GALK2: variants seen among roughly 807,000 people sequenced by gnomAD.
GALK2 encodes the protein N-acetylgalactosamine kinase.
Under a neutral mutation model 52.4 loss-of-function variants are expected in GALK2, and 36 were observed. The ratio of observed to expected loss-of-function variants is 0.69; its 90% CI spans 0.53 to 0.91. The LOEUF is 0.91. Among genes scored for constraint, GALK2 ranks in the 40% least tolerant of loss-of-function variants. The pLI is 0.00. For missense variants in GALK2, 579 were observed against 559.1 expected (o/e 1.04, Z -0.36); for synonymous variants, 176 against 199.1 (o/e 0.88, Z 0.98).
At chr15:49,351,031 C>T (rs2042168651) in intron 3 of GALK2, among the ~76,000 whole-genome samples, 1 of 152,210 alleles carries the variant, frequency 6.6e-6, no homozygotes, top group Non-Finnish European at 1.5e-5. Context: ...CAGTGCATAA[C>T]CTACTCAACC....
chr15:49,341,483 G>T (rs2040721835), intron 3 of GALK2, among the ~76,000 whole-genome samples: 1 of 152,092 alleles, frequency 6.6e-6, no homozygotes, highest in African/African-American at 2.4e-5. Context: ...TGGGTTAGAT[G>T]TACCTGTGAT....
chr15:49,206,765 C>G (rs534995790), intron 2 of GALK2, among the ~76,000 whole-genome samples: 2 of 151,970 alleles, frequency 1.3e-5, no homozygotes, highest in African/African-American at 4.8e-5. Flanking sequence ...TCAAGGTAAA[C>G]GATCGTATCA....
chr15:49,182,641 TA>T (rs2141227367), intron 1 of GALK2, among the ~76,000 whole-genome samples: 1 of 152,326 alleles, frequency 6.6e-6, no homozygotes, highest in Non-Finnish European at 1.5e-5. Context: ...TCCACATCCT[TA>T]CCAGCATTTG....
chr15:49,210,957 T>TCACACACACACACACA (rs764698505), intron 2 of GALK2, among the ~76,000 whole-genome samples: 21 of 112,766 alleles, frequency 1.9e-4, no homozygotes, highest in Non-Finnish European at 2.7e-4. Context: ...ATGTTGGCTG[T>TCACACACACACACACA]CACACACACA....
Position 49,265,841 on chromosome 15 carries a change from A to T in GALK2, c.505-16146A>T, listed in dbSNP as rs532839509. ...ATTCCAAAAGCGCTTGTGAGTTTTT[A>T]AGATTCTTGCTAGCAAGGAAAAATA... On this transcript the variant is annotated intron_variant, in intron 5 of 9. Coordinates refer to ENST00000560031, the MANE Select transcript of GALK2 (RefSeq NM_002044.4). 2.5e-3 allele frequency among the ~76,000 whole-genome samples: 374 copies of T among 152,360 alleles called. 4 individuals are homozygous for T. Among genetic ancestry groups the T allele is most frequent in the African/African-American group, 8.5e-3 (353 of 41,592 alleles).
At chr15:49,334,972 C>T (rs2039449914), downstream of GALK2, among the ~76,000 whole-genome samples, 1 of 152,200 alleles carries the variant, frequency 6.6e-6, no homozygotes, top group Non-Finnish European at 1.5e-5. Context: ...TTATGAATAA[C>T]TGCAAATGTT....
At chr15:49,314,996 CA>C (rs1245693624) in intron 8 of GALK2, among the ~76,000 whole-genome samples, 2 of 152,192 alleles carry the variant, frequency 1.3e-5, no homozygotes, top group East Asian at 3.9e-4. Flanking sequence ...GGAATTTAGC[CA>C]ATATAATTTA....
intron 5 of GALK2, among the ~76,000 whole-genome samples, chr15:49,247,076 C>A (rs1051746809): frequency 2.0e-5 from 3 of 151,978 alleles, no homozygotes; most frequent in African/African-American, 7.3e-5. Flanking sequence ...AAGTTCTCTC[C>A]GAGAAGAGGA....
chr15:49,284,921 A>T (rs1461604122), intron 7 of GALK2, among the ~76,000 whole-genome samples: 1 of 152,144 alleles, frequency 6.6e-6, no homozygotes, highest in Non-Finnish European at 1.5e-5. Context: ...AATCCTTTCT[A>T]TCAGACTCCA....
At chr15:49,162,249 T>G (rs949480718) in intron 1 of GALK2, among the ~76,000 whole-genome samples, 14 of 152,250 alleles carry the variant, frequency 9.2e-5, no homozygotes, top group Non-Finnish European at 1.8e-4. Context: ...ATATGTACTC[T>G]CATTTTCCTG....
At position 49,210,710 on chromosome 15, in the gene GALK2, G is replaced by A. The variant is rs561994982; in HGVS notation, c.143-6480G>A. On this transcript the variant is annotated intron_variant, in intron 2 of 9. Coordinates refer to ENST00000560031, the MANE Select transcript of GALK2 (RefSeq NM_002044.4). ...CCCGCCTCGGCCTCCCAGAGTGTTA[G>A]GATTACAGGCGTGAGTCGCCGTGCC... 4.6e-5 allele frequency among the ~76,000 whole-genome samples: 7 copies of A among 152,114 alleles called. No individual in the cohort carries two copies. In the South Asian group the frequency reaches 6.2e-4, roughly 14 times the overall value.
intron 3 of GALK2, chr15:49,225,173 C>T (rs1478406701): frequency 4.4e-6 from 2 of 455,652 alleles, no homozygotes; most frequent in Admixed American, 4.7e-5. Flanking sequence ...CCTCTGATCA[C>T]TGGCACTGAT....
At chr15:49,248,658 G>T (rs1397814375) in intron 5 of GALK2, among the ~76,000 whole-genome samples, 1 of 152,176 alleles carries the variant, frequency 6.6e-6, no homozygotes. Context: ...TCCTCTGGTT[G>T]TATCCTTTTT....
chr15:49,366,393 G>A (rs2045194905), intron 3 of GALK2: 1 of 806,868 alleles, frequency 1.2e-6, no homozygotes, highest in Non-Finnish European at 2.2e-6. Flanking sequence ...GTGTTTTCAA[G>A]AAAATGGCAG....
chr15:49,228,688 T>TATATATATATATGTATA, intron 3 of GALK2, among the ~76,000 whole-genome samples: 1 of 10,436 alleles, frequency 9.6e-5, no homozygotes. Context: ...TATATATATA[T>TATATATATATATGTATA]TTTTTTTTTT....
At chr15:49,278,035 G>A (rs571592511) in intron 5 of GALK2, among the ~76,000 whole-genome samples, 30 of 151,956 alleles carry the variant, frequency 2.0e-4, no homozygotes, top group Non-Finnish European at 3.1e-4. Flanking sequence ...GGCCGAGGCG[G>A]GCAGATCACG....
intron 9 of GALK2, chr15:49,327,630 G>A: frequency 5.4e-6 from 1 of 186,356 alleles, no homozygotes; most frequent in Non-Finnish European, 1.1e-5. Flanking sequence ...TTACGTGTAA[G>A]CTTGCTATAC....
intron 2 of GALK2, among the ~76,000 whole-genome samples, chr15:49,203,858 C>G (rs556145132): frequency 6.6e-6 from 1 of 152,242 alleles, no homozygotes; most frequent in East Asian, 1.9e-4. Flanking sequence ...CTCACACTTG[C>G]AATCCCAGCA....
intron 5 of GALK2, among the ~76,000 whole-genome samples, chr15:49,245,926 A>G (rs2091325954): frequency 6.6e-6 from 1 of 152,184 alleles, no homozygotes; most frequent in African/African-American, 2.4e-5. Flanking sequence ...TACTTTATAT[A>G]GTGATACCGG....
Sources: gnomAD v4.1 joint callset for allele counts (sites outside exome capture counted in the v4.1 genomes callset) on GRCh38, gnomAD v4.1.1 for gene constraint, MANE v1.5 for transcripts, NCBI Gene and HGNC (gene_info 2026-07-23, HGNC 2026-07-21) for gene names.